The following RNF19A variants were observed in gnomAD, a reference collection of about 807,000 sequenced individuals.
RNF19A encodes the protein E3 ubiquitin-protein ligase RNF19A.
Under a neutral mutation model 75.7 loss-of-function variants are expected in RNF19A, and 32 were observed. That is an observed-to-expected ratio of 0.42 (90% CI 0.32 to 0.57). RNF19A has a LOEUF of 0.57. RNF19A is among the 20% of genes least tolerant of loss of function. The pLI is 0.10. For synonymous variants in RNF19A, 335 were observed against 345.2 expected, an observed-to-expected ratio of 0.97 and a Z score of 0.33; for missense variants, 782 against 1,036.3, an observed-to-expected ratio of 0.75 and a Z score of 3.37.
chr8:100,303,361 T>G (rs1586678912), intron 1 of RNF19A: 1 of 152,250 alleles, frequency 6.6e-6, no homozygotes, highest in African/African-American at 2.4e-5. Context: ...TGGGTCTACT[T>G]GTCCCTTACA....
rs1819903115 is a variant in RNF19A, at chr8:100,264,977, T to C, written c.1192-192A>G. On this transcript the variant is annotated intron_variant, in intron 5 of 9. Transcript: ENST00000341084. This position sits in a 1 kb window ranked among gnomAD's most constrained non-coding sequence, Gnocchi z 4.7. ...CACAAATAATTTGCTCCTTATTAAT[T>C]TGCTTAAGACAGTGATTTAATGGAT... Among the ~76,000 whole-genome samples, 1 of 152,238 alleles carries C rather than the reference T, an allele frequency of 6.6e-6. No individual in the cohort carries two copies. The highest frequency in any genetic ancestry group is 2.4e-5 in the African/African-American group (1 of 41,462).
rs191098083 is a variant in RNF19A, at chr8:100,331,761, A to G, written c.-243+4347T>C. ...TTCAGTGCCTCTCCTGCAGACAACT[A>G]TTATCCGTTTCATATGTATTGATCA... is the stretch of plus-strand genomic sequence containing the variant. On this transcript the variant is annotated intron_variant, in intron 1 of 3. Coordinates refer to the RNF19A transcript ENST00000519527. The surrounding 1 kb of genome is among the most constrained non-coding windows in gnomAD (Gnocchi z 5.2). Among the ~76,000 whole-genome samples the G allele has an allele frequency of 2.9e-3, 447 of 152,294 alleles. 10 individuals carry two copies. Among genetic ancestry groups the G allele is most frequent in the Admixed American group, 0.026 (402 of 15,292 alleles).
chr8:100,273,132 GCT>G (rs2129668494), intron 3 of RNF19A, among the ~76,000 whole-genome samples: 1 of 152,270 alleles, frequency 6.6e-6, no homozygotes, highest in South Asian at 2.1e-4. Flanking sequence ...CTCCCAAAGT[GCT>G]GGGATTACAG....
rs543807991 is a variant in RNF19A, at chr8:100,295,111, G to T, written c.-93-6844C>A. ...ATTTAAGCATTGAACAGATACTTCA[G>T]ATGATATCTTCTCCAAAGAGTAACA... On this transcript the variant is annotated intron_variant, in intron 1 of 9. Coordinates refer to ENST00000341084, the MANE Select transcript of RNF19A (RefSeq NM_183419.4). 3.3e-5 allele frequency among the ~76,000 whole-genome samples: 5 copies of T among 152,278 alleles called. No homozygotes were observed. The East Asian group carries it at 9.6e-4, about 29-fold the overall frequency.
chr8:100,288,664 C>G (rs762800292), intron 1 of RNF19A, among the ~76,000 whole-genome samples: 3 of 152,036 alleles, frequency 2.0e-5, no homozygotes, highest in Non-Finnish European at 2.9e-5. Context: ...GGCTCTAACA[C>G]CGCCAGATAT....
chr8:100,294,711 C>A (rs1821472624), intron 1 of RNF19A, among the ~76,000 whole-genome samples: 1 of 152,042 alleles, frequency 6.6e-6, no homozygotes, highest in Non-Finnish European at 1.5e-5. Context: ...TTGCAGTTTT[C>A]CAAAGGATAT....
rs1819646174 is a variant in RNF19A at position 100,260,148 on chromosome 8, A to G, written c.1683-151T>C. 4 of 646,878 alleles carry G rather than the reference A, an allele frequency of 6.2e-6. No individual in the cohort carries two copies. In the East Asian group the frequency reaches 1.1e-4, roughly 18 times the overall value. The allele number at this position is 646,878 out of a possible 1,614,324, so 40.1% of individuals were successfully genotyped here. The stretch of plus-strand genomic sequence containing the variant: ...TTTCCTTTTATTTAATTTAAATTCT[A>G]CTGCAGCACACTGCATAGTACCAGC... On this transcript the variant is annotated intron_variant, in intron 8 of 9. Coordinates refer to ENST00000341084, the MANE Select transcript of RNF19A (RefSeq NM_183419.4). The surrounding 1 kb of genome is among the most constrained non-coding windows in gnomAD (Gnocchi z 4.1).
intron 1 of RNF19A, among the ~76,000 whole-genome samples, chr8:100,298,988 T>C (rs1821700711): frequency 6.6e-6 from 1 of 152,204 alleles, no homozygotes; most frequent in African/African-American, 2.4e-5. Flanking sequence ...GATACCTAGC[T>C]GTCAAAAATT....
chr8:100,298,263 T>C (rs1821666216), intron 1 of RNF19A, among the ~76,000 whole-genome samples: 1 of 150,986 alleles, frequency 6.6e-6, no homozygotes, highest in African/African-American at 2.4e-5. Context: ...GGCTCTGAAA[T>C]GGCTTCCCTA....
intron 1 of RNF19A, among the ~76,000 whole-genome samples, chr8:100,315,448 C>T (rs576280750): frequency 6.6e-6 from 1 of 152,286 alleles, no homozygotes; most frequent in South Asian, 2.1e-4. Flanking sequence ...TTAGTCTCCA[C>T]CATCATTTCA....
intron 5 of RNF19A, among the ~76,000 whole-genome samples, chr8:100,266,749 G>A (rs1372105422): frequency 1.3e-5 from 2 of 151,982 alleles, no homozygotes; most frequent in African/African-American, 4.8e-5. Context: ...CTGGATTAAT[G>A]CAATCCTCCC....
chr8:100,275,811 G>C lies in RNF19A; in HGVS notation c.675-650C>G, dbSNP rs1212456311. ...AAAAGATTGCCTGTTTAAAAATGTA[G>C]TGACTATAGGTTAGTTTTAACTGTC... is the stretch of plus-strand genomic sequence containing the variant. On this transcript the variant is annotated intron_variant, in intron 2 of 9. Transcript: ENST00000341084. The surrounding 1 kb of genome is among the most constrained non-coding windows in gnomAD (Gnocchi z 4.3). 6.6e-6 allele frequency among the ~76,000 whole-genome samples: 1 copy of C among 152,082 alleles called. No individual in the cohort carries two copies. Among genetic ancestry groups the C allele is most frequent in the Non-Finnish European group, 1.5e-5 (1 of 68,020 alleles).
upstream of RNF19A, among the ~76,000 whole-genome samples, chr8:100,311,046 C>A (rs1473374290): frequency 6.6e-6 from 1 of 152,208 alleles, no homozygotes; most frequent in Non-Finnish European, 1.5e-5. Flanking sequence ...GACAGAATGT[C>A]CATTTGCCAT....
chr8:100,268,451 G>T (rs187507834), intron 5 of RNF19A, among the ~76,000 whole-genome samples: 2 of 152,152 alleles, frequency 1.3e-5, no homozygotes, highest in East Asian at 3.9e-4. Context: ...TCATTAAAAA[G>T]ATCTCATAGA....
intron 1 of RNF19A, among the ~76,000 whole-genome samples, chr8:100,320,206 T>G (rs946478462): frequency 6.6e-6 from 1 of 152,256 alleles, no homozygotes; most frequent in Non-Finnish European, 1.5e-5. Flanking sequence ...TATTGTTTTA[T>G]ATTTTAAATA....
At chr8:100,303,575 A>G (rs892447846) in intron 1 of RNF19A, among the ~76,000 whole-genome samples, 2 of 152,130 alleles carry the variant, frequency 1.3e-5, no homozygotes, top group African/African-American at 4.8e-5. Flanking sequence ...TAAGGACATC[A>G]GTAAGGTATG....
intron 1 of RNF19A, among the ~76,000 whole-genome samples, chr8:100,318,136 G>C (rs1822410189): frequency 6.6e-6 from 1 of 152,122 alleles, no homozygotes; most frequent in Non-Finnish European, 1.5e-5. Context: ...TACTCTCTCT[G>C]ACAATATCTA....
chr8:100,303,044 C>T (rs562828321), intron 1 of RNF19A: 5 of 152,200 alleles, frequency 3.3e-5, no homozygotes, highest in Middle Eastern at 3.4e-3. Context: ...TATAAAACAA[C>T]GATAATTAGA....
At chr8:100,335,825 G>T (rs1486474269) in intron 1 of RNF19A, among the ~76,000 whole-genome samples, 3 of 152,214 alleles carry the variant, frequency 2.0e-5, no homozygotes, top group Non-Finnish European at 4.4e-5. Context: ...CGGAGGTGCG[G>T]GCCTAGACAG....
Sources: allele counts gnomAD v4.1 joint callset (sites outside exome capture counted in the v4.1 genomes callset), GRCh38; gene constraint gnomAD v4.1.1; non-coding constraint Gnocchi (gnomAD v3.1); transcripts MANE v1.5; gene names NCBI Gene and HGNC (gene_info 2026-07-23, HGNC 2026-07-21).